LRBA: variants seen among roughly 807,000 people sequenced by gnomAD.
LRBA encodes the protein LPS responsive beige-like anchor protein, also known as lipopolysaccharide-responsive and beige-like anchor protein.
LRBA carries 176 observed loss-of-function variants against 330.0 expected under a neutral mutation model. That is an observed-to-expected ratio of 0.53 (90% CI 0.47 to 0.60). The LOEUF is 0.60. LRBA is among the 20% of genes least tolerant of loss of function. The probability of loss-of-function intolerance (pLI) is 0.00; values close to 1 mark genes in which losing one functional copy is unlikely to be tolerated. For synonymous variants in LRBA, 1,230 were observed against 1,193.0 expected (o/e 1.03, Z -0.64); for missense variants, 3,259 against 3,444.8 (o/e 0.95, Z 1.35).
intron 18 of LRBA, among the ~76,000 whole-genome samples, chr4:150,872,418 T>A (rs1441664980): frequency 6.6e-6 from 1 of 152,210 alleles, no homozygotes; most frequent in African/African-American, 2.4e-5. Flanking sequence ...GAATGCAAGC[T>A]GTCCAAACTA....
intron 47 of LRBA, among the ~76,000 whole-genome samples, chr4:150,400,745 C>T (rs1057052930): frequency 6.6e-6 from 1 of 152,000 alleles, no homozygotes; most frequent in Non-Finnish European, 1.5e-5. Context: ...TCTAGCTACT[C>T]GAGAAGCTCA....
At chr4:150,432,768 G>T (rs1750609381) in intron 46 of LRBA, among the ~76,000 whole-genome samples, 1 of 151,738 alleles carries the variant, frequency 6.6e-6, no homozygotes, top group Non-Finnish European at 1.5e-5. Context: ...ACTTTCTAAG[G>T]TGCCAAAATA....
At chr4:150,758,005 T>C (rs1001258686) in intron 35 of LRBA, among the ~76,000 whole-genome samples, 13 of 152,254 alleles carry the variant, frequency 8.5e-5, no homozygotes, top group Admixed American at 8.5e-4. Context: ...TAACAGATGA[T>C]ATAAAAATAA....
chr4:150,346,772 A>C (rs1736395703), intron 48 of LRBA, among the ~76,000 whole-genome samples: 2 of 150,860 alleles, frequency 1.3e-5, no homozygotes, highest in South Asian at 2.1e-4. Context: ...AAAAAAAAAA[A>C]AAAAAAAAAA....
At chr4:150,837,053 C>T (rs548084020) in intron 28 of LRBA, among the ~76,000 whole-genome samples, 2 of 152,272 alleles carry the variant, frequency 1.3e-5, no homozygotes, top group South Asian at 4.1e-4. Flanking sequence ...TTGTTATGTA[C>T]CCAGTAGTCA....
chr4:150,714,659 A>G lies in LRBA; in HGVS notation c.5754+20599T>C, dbSNP rs145958986. Among the ~76,000 whole-genome samples, 149 of 152,318 alleles carry G rather than the reference A, an allele frequency of 9.8e-4. 3 individuals carry two copies. In the East Asian group the frequency reaches 0.021, roughly 21 times the overall value. On this transcript the variant is annotated intron_variant, in intron 36 of 56. Transcript: ENST00000651943. The stretch of plus-strand genomic sequence containing the variant: ...GTAGATTTCAGTGTTCTCAACACAG[A>G]AAAATGATATGTGAGGTAATGCATA...
At chr4:150,721,041 A>C in intron 36 of LRBA, 1 of 556,448 alleles carries the variant, frequency 1.8e-6, no homozygotes, top group Non-Finnish European at 3.6e-6. Context: ...GAAGGCGATC[A>C]AGGCCAACTA....
chr4:150,636,579 A>T (rs944375109), intron 37 of LRBA, among the ~76,000 whole-genome samples: 1 of 152,162 alleles, frequency 6.6e-6, no homozygotes, highest in African/African-American at 2.4e-5. Context: ...CTTTAGGTGC[A>T]TTCATTGCTA....
At chr4:150,616,345 G>A (rs1775768773) in intron 37 of LRBA, among the ~76,000 whole-genome samples, 4 of 152,112 alleles carry the variant, frequency 2.6e-5, no homozygotes, top group Admixed American at 6.5e-5. Context: ...TTGAAAAGAC[G>A]AGGAAGAACC....
chr4:150,935,800 T>C (rs1266448137), intron 2 of LRBA, among the ~76,000 whole-genome samples: 1 of 151,944 alleles, frequency 6.6e-6, no homozygotes, highest in Non-Finnish European at 1.5e-5. Flanking sequence ...TAGAGTGTCA[T>C]CACAAGCATT....
chr4:150,907,460 A>G (rs1731480948), intron 11 of LRBA, among the ~76,000 whole-genome samples: 1 of 152,124 alleles, frequency 6.6e-6, no homozygotes, highest in African/African-American at 2.4e-5. Context: ...ATTTAATTTT[A>G]TATTTTTTAA....
rs1411226489 is a variant in LRBA at position 150,963,172 on chromosome 4, C to T, written c.217-34107G>A. On this transcript the variant is annotated intron_variant, in intron 2 of 56. Coordinates refer to ENST00000651943, the MANE Select transcript of LRBA (RefSeq NM_001364905.1). ...TCCCTCTCCCTCTCACTCTGCCTCT[C>T]CCCCTCCCCCTCCCCTTTGCACGGT... 2.0e-5 allele frequency among the ~76,000 whole-genome samples: 3 copies of T among 148,192 alleles called. 1 individual carries two copies. Among genetic ancestry groups the T allele is most frequent in the African/African-American group, 7.9e-5 (3 of 37,824 alleles).
At chr4:150,434,754 G>C (rs2151991464) in intron 46 of LRBA, among the ~76,000 whole-genome samples, 1 of 152,200 alleles carries the variant, frequency 6.6e-6, no homozygotes, top group Non-Finnish European at 1.5e-5. Flanking sequence ...AGGAGGCTGA[G>C]GCAGGAGGAT....
chr4:150,765,023 G>T (rs1158682264), intron 34 of LRBA, among the ~76,000 whole-genome samples: 1 of 151,474 alleles, frequency 6.6e-6, no homozygotes, highest in Non-Finnish European at 1.5e-5. Context: ...CAAACAAAAT[G>T]TCCTTCAGAA....
At chr4:150,725,508 G>C (rs1290793897) in intron 36 of LRBA, among the ~76,000 whole-genome samples, 5 of 152,148 alleles carry the variant, frequency 3.3e-5, no homozygotes, top group Non-Finnish European at 7.4e-5. Context: ...AAGCATGAAG[G>C]AGATAAAAAG....
chr4:150,324,611 A>C (rs186573830), intron 49 of LRBA, among the ~76,000 whole-genome samples: 22 of 152,166 alleles, frequency 1.4e-4, no homozygotes, highest in Admixed American at 4.6e-4. Context: ...GAAAGGAAAA[A>C]AAAAAAGGAA....
chr4:150,621,814 G>C (rs918383920), intron 37 of LRBA, among the ~76,000 whole-genome samples: 12 of 152,140 alleles, frequency 7.9e-5, no homozygotes, highest in African/African-American at 2.9e-4. Flanking sequence ...AGGACAGAAT[G>C]CAATAAAATA....
intron 36 of LRBA, chr4:150,721,162 T>C (rs1368606559): frequency 3.5e-6 from 2 of 579,224 alleles, no homozygotes; most frequent in Non-Finnish European, 6.7e-6. Context: ...ATGGCCATAT[T>C]TGGTTACATG....
intron 44 of LRBA, among the ~76,000 whole-genome samples, chr4:150,462,895 A>T (rs892691302): frequency 6.6e-6 from 1 of 151,878 alleles, no homozygotes; most frequent in African/African-American, 2.4e-5. Flanking sequence ...TATAATCATT[A>T]TTTGTACAGA....
Sources: allele counts gnomAD v4.1 joint callset (sites outside exome capture counted in the v4.1 genomes callset), GRCh38; gene constraint gnomAD v4.1.1; transcripts MANE v1.5; gene names NCBI Gene and HGNC (gene_info 2026-07-23, HGNC 2026-07-21).